Variants in FOXN3 observed in about 807,000 individuals in gnomAD.
FOXN3 encodes the protein forkhead box protein N3.
In FOXN3, 7 loss-of-function variants were observed where a neutral mutation model predicts 38.4. The observed-to-expected ratio is 0.18, with a 90% confidence interval of 0.10 to 0.34. FOXN3 has a LOEUF of 0.34. FOXN3 is among the 10% of genes least tolerant of loss of function. The probability of loss-of-function intolerance (pLI) is 1.00; values close to 1 mark genes in which losing one functional copy is unlikely to be tolerated. For synonymous variants in FOXN3, 230 were observed against 242.2 expected (o/e 0.95, Z 0.47); for missense variants, 456 against 613.4 (o/e 0.74, Z 2.71).
intron 1 of FOXN3, among the ~76,000 whole-genome samples, chr14:89,528,626 C>T (rs1446346703): frequency 2.0e-5 from 3 of 151,692 alleles, no homozygotes; most frequent in Non-Finnish European, 4.4e-5. Context: ...GAACTCCTGA[C>T]CTCAGATGAT....
At chr14:89,426,522 CAGGAGT>C (rs1225592725) in intron 1 of FOXN3, among the ~76,000 whole-genome samples, 2 of 152,024 alleles carry the variant, frequency 1.3e-5, no homozygotes, top group African/African-American at 4.8e-5. Flanking sequence ...CATGCCCGGG[CAGGAGT>C]ACTGATTTTG....
intron 4 of FOXN3, among the ~76,000 whole-genome samples, chr14:89,195,753 C>T (rs757897632): frequency 7.9e-5 from 12 of 152,164 alleles, no homozygotes; most frequent in Admixed American, 2.0e-4. Context: ...CGTTATATCT[C>T]AGGGGAATGA....
At chr14:89,355,492 C>G (rs975107051) in intron 2 of FOXN3, among the ~76,000 whole-genome samples, 1 of 152,150 alleles carries the variant, frequency 6.6e-6, no homozygotes, top group Non-Finnish European at 1.5e-5. Context: ...CTGCCTTGGC[C>G]TCCCAAAGTG....
chr14:89,323,628 A>G lies in FOXN3; in HGVS notation c.680+27044T>C, dbSNP rs532931954. ...CAGCTACTCAGGAGGCTGAGGCAGG[A>G]GAATTGCTTGAACCCAGGAGGCAGA... On this transcript the variant is annotated intron_variant, in intron 3 of 5. Coordinates refer to ENST00000557258, the MANE Select transcript of FOXN3 (RefSeq NM_005197.4). 6.5e-4 allele frequency among the ~76,000 whole-genome samples: 99 copies of G among 152,054 alleles called. 1 individual carries two copies. The highest frequency in any genetic ancestry group is 3.4e-3 in the Middle Eastern group (1 of 292).
chr14:89,305,006 TATGTGGCCAAAGC>T (rs2139951330), intron 3 of FOXN3, among the ~76,000 whole-genome samples: 1 of 152,116 alleles, frequency 6.6e-6, no homozygotes, highest in East Asian at 1.9e-4. Flanking sequence ...TTCTTAATTC[TATGTGGCCAAAGC>T]ATGACTCACA....
In FOXN3 at chr14:89,199,286, C is replaced by G. The variant is rs1325527698; in HGVS notation, c.746-18480G>C. On this transcript the variant is annotated intron_variant, in intron 4 of 5. Transcript: ENST00000557258. ...CAGTGAGACAGGAGACAAAGTGACG[C>G]CAGTGAGCCCGGTGCACAAGCTTCT... 2.6e-5 allele frequency among the ~76,000 whole-genome samples: 4 copies of G among 152,134 alleles called. No homozygotes were observed. The East Asian group carries it at 5.8e-4, about 22-fold the overall frequency.
chr14:89,282,463 G>T (rs570987352), intron 3 of FOXN3, among the ~76,000 whole-genome samples: 2 of 152,142 alleles, frequency 1.3e-5, no homozygotes, highest in African/African-American at 4.8e-5. Context: ...ATTGCTCTTC[G>T]ATTGGATTCT....
intron 1 of FOXN3, among the ~76,000 whole-genome samples, chr14:89,536,999 C>G (rs1175706698): frequency 2.0e-5 from 3 of 152,172 alleles, no homozygotes; most frequent in African/African-American, 7.2e-5. Flanking sequence ...AACCCCATGT[C>G]AGTTTTGCCA....
intron 4 of FOXN3, among the ~76,000 whole-genome samples, chr14:89,185,354 G>C (rs906944387): frequency 2.6e-5 from 4 of 152,330 alleles, no homozygotes; most frequent in African/African-American, 9.6e-5. Context: ...GGCTCTGTTA[G>C]AGAAAGGCAT....
intron 1 of FOXN3, among the ~76,000 whole-genome samples, chr14:89,539,347 T>C (rs1470022893): frequency 6.6e-6 from 1 of 152,208 alleles, no homozygotes; most frequent in African/African-American, 2.4e-5. Context: ...ACCAAATTAA[T>C]TTAATGTTTG....
intron 1 of FOXN3, among the ~76,000 whole-genome samples, chr14:89,528,374 A>ATTTTTTTTTTTT (rs1280882695): frequency 1.6e-5 from 1 of 62,218 alleles, no homozygotes; most frequent in Non-Finnish European, 2.9e-5. Context: ...ACATGGATGA[A>ATTTTTTTTTTTT]TCTTTTTTTT....
chr14:89,352,229 G>C (rs1171064638), intron 2 of FOXN3, among the ~76,000 whole-genome samples: 1 of 152,188 alleles, frequency 6.6e-6, no homozygotes, highest in East Asian at 1.9e-4. Context: ...TTAAAGACCT[G>C]AAAGATTTCA....
chr14:89,268,176 G>A (rs1257683368), intron 4 of FOXN3, among the ~76,000 whole-genome samples: 1 of 152,178 alleles, frequency 6.6e-6, no homozygotes, highest in Admixed American at 6.5e-5. Flanking sequence ...GTAAGATCAG[G>A]AAGATACCAC....
chr14:89,424,380 C>G (rs1006035314), intron 1 of FOXN3, among the ~76,000 whole-genome samples: 1 of 152,164 alleles, frequency 6.6e-6, no homozygotes, highest in Non-Finnish European at 1.5e-5. Context: ...TCAGGAGGGA[C>G]AAAACGATCC....
chr14:89,407,049 G>A (rs1482552973), intron 2 of FOXN3, among the ~76,000 whole-genome samples: 3 of 150,680 alleles, frequency 2.0e-5, no homozygotes, highest in Admixed American at 6.6e-5. Context: ...AGGGAACAGT[G>A]ACCTCATGTG....
At chr14:89,249,605 T>C (rs1236125465) in intron 4 of FOXN3, among the ~76,000 whole-genome samples, 1 of 152,206 alleles carries the variant, frequency 6.6e-6, no homozygotes, top group East Asian at 1.9e-4. Flanking sequence ...CACCATTCAT[T>C]TGGAAGGCAT....
intron 1 of FOXN3, among the ~76,000 whole-genome samples, chr14:89,467,225 C>T (rs116390428): frequency 1.1e-3 from 163 of 152,314 alleles, no homozygotes; most frequent in African/African-American, 3.9e-3. Flanking sequence ...AGCCCACATC[C>T]AGCAGAGACT....
chr14:89,603,453 A>C (rs1896200437), intron 1 of FOXN3, among the ~76,000 whole-genome samples: 1 of 152,262 alleles, frequency 6.6e-6, no homozygotes, highest in Non-Finnish European at 1.5e-5. Flanking sequence ...TACCTGCAGA[A>C]GGAAGTGGTA....
intron 4 of FOXN3, among the ~76,000 whole-genome samples, chr14:89,215,718 G>A (rs1432989504): frequency 6.6e-6 from 1 of 152,174 alleles, no homozygotes; most frequent in African/African-American, 2.4e-5. Flanking sequence ...AAGAAAAGTG[G>A]CTCTTCTGTG....
Sources: allele counts gnomAD v4.1 joint callset (sites outside exome capture counted in the v4.1 genomes callset), GRCh38; gene constraint gnomAD v4.1.1; transcripts MANE v1.5; gene names NCBI Gene and HGNC (gene_info 2026-07-23, HGNC 2026-07-21).